RASA1: variants seen among roughly 807,000 people sequenced by gnomAD.
The protein encoded by RASA1 is RAS p21 protein activator 1.
RASA1 carries 25 observed loss-of-function variants against 132.2 expected under a neutral mutation model. The observed-to-expected ratio is 0.19, with a 90% CI of 0.14 to 0.26. The LOEUF (loss-of-function observed/expected upper bound fraction) is 0.26. Ranked by LOEUF, RASA1 falls within the 10% of genes least tolerant of loss-of-function variation. The probability of loss-of-function intolerance (pLI) is 1.00; values close to 1 mark genes in which losing one functional copy is unlikely to be tolerated. For synonymous variants in RASA1, 477 were observed against 449.9 expected, an observed-to-expected ratio of 1.06 and a Z score of -0.76; for missense variants, 964 against 1,299.2, an observed-to-expected ratio of 0.74 and a Z score of 3.97.
intron 1 of RASA1, among the ~76,000 whole-genome samples, chr5:87,289,424 T>C (rs929961566): frequency 1.3e-5 from 2 of 152,144 alleles, no homozygotes; most frequent in African/African-American, 4.8e-5. Flanking sequence ...TTTACCTGAA[T>C]CATTTATTTT....
At chr5:87,325,644 T>C in intron 1 of RASA1, among the ~76,000 whole-genome samples, 1 of 152,220 alleles carries the variant, frequency 6.6e-6, no homozygotes, top group East Asian at 1.9e-4. Context: ...GTCAGTAATA[T>C]AACCAAAAGG....
chr5:87,286,913 CACCATATATATACAT>C (rs1754596969), intron 1 of RASA1, among the ~76,000 whole-genome samples: 1 of 149,078 alleles, frequency 6.7e-6, no homozygotes, highest in South Asian at 2.1e-4. Flanking sequence ...ATATAAGGAA[CACCATATATATACAT>C]ACCATATATA....
At chr5:87,339,513 T>G (rs1758284667) in intron 5 of RASA1, among the ~76,000 whole-genome samples, 1 of 152,196 alleles carries the variant, frequency 6.6e-6, no homozygotes, top group African/African-American at 2.4e-5. Flanking sequence ...TTCTCCATCC[T>G]GATTACTTCA....
At chr5:87,287,264 A>G (rs1312037964) in intron 1 of RASA1, among the ~76,000 whole-genome samples, 1 of 147,788 alleles carries the variant, frequency 6.8e-6, no homozygotes, top group African/African-American at 2.5e-5. Context: ...TACACACCAT[A>G]TACACCGTAT....
At chr5:87,287,536 C>T (rs1378655117) in intron 1 of RASA1, among the ~76,000 whole-genome samples, 3 of 146,630 alleles carry the variant, frequency 2.0e-5, no homozygotes, top group South Asian at 2.1e-4. Flanking sequence ...CATATATATA[C>T]CATATATACA....
chr5:87,301,086 T>C (rs1426904731), intron 1 of RASA1, among the ~76,000 whole-genome samples: 2 of 152,180 alleles, frequency 1.3e-5, no homozygotes, highest in Non-Finnish European at 2.9e-5. Context: ...TTTGGCAGTA[T>C]TGGGGGGTTA....
intron 1 of RASA1, among the ~76,000 whole-genome samples, chr5:87,301,236 A>G (rs992638753): frequency 1.3e-5 from 2 of 152,208 alleles, no homozygotes; most frequent in East Asian, 3.8e-4. Flanking sequence ...TACATATAAT[A>G]TATATGCACA....
chr5:87,280,779 CAG>C (rs1204692814), intron 1 of RASA1, among the ~76,000 whole-genome samples: 3 of 151,754 alleles, frequency 2.0e-5, no homozygotes, highest in African/African-American at 2.4e-5. Context: ...TTTTTTGAGA[CAG>C]AGTCTCACTC....
chr5:87,337,566 T>A (rs1280672056), intron 4 of RASA1, among the ~76,000 whole-genome samples: 1 of 152,120 alleles, frequency 6.6e-6, no homozygotes, highest in East Asian at 1.9e-4. Flanking sequence ...ATTTTGTGTT[T>A]TGATTTTATA....
intron 1 of RASA1, among the ~76,000 whole-genome samples, chr5:87,284,762 AAAAG>A (rs1212441184): frequency 1.3e-5 from 2 of 152,188 alleles, no homozygotes; most frequent in African/African-American, 2.4e-5. Context: ...AATTTGGAAA[AAAAG>A]AACACAACCC....
At chr5:87,338,536 A>ATATATATTTT in intron 5 of RASA1, among the ~76,000 whole-genome samples, 47 of 85,208 alleles carry the variant, frequency 5.5e-4, no homozygotes, top group African/African-American at 1.5e-3. Context: ...TATATATAAA[A>ATATATATTTT]TTTTTTTTTT....
intron 1 of RASA1, among the ~76,000 whole-genome samples, chr5:87,319,243 C>T (rs555218101): frequency 2.0e-5 from 3 of 152,350 alleles, no homozygotes; most frequent in African/African-American, 7.2e-5. Flanking sequence ...TGGATCTACC[C>T]TTGTGGGGTC....
chr5:87,302,319 T>G (rs1366590151), intron 1 of RASA1, among the ~76,000 whole-genome samples: 1 of 152,030 alleles, frequency 6.6e-6, no homozygotes, highest in Non-Finnish European at 1.5e-5. Flanking sequence ...TATTTTTTCA[T>G]ATGTTCATTG....
At chr5:87,379,320 T>C (rs975652679) in intron 18 of RASA1, among the ~76,000 whole-genome samples, 1 of 152,154 alleles carries the variant, frequency 6.6e-6, no homozygotes, top group African/African-American at 2.4e-5. Context: ...GGCTACGGAA[T>C]TCCGACTTCC....
At chr5:87,294,676 T>C (rs1755044394) in intron 1 of RASA1, among the ~76,000 whole-genome samples, 1 of 152,246 alleles carries the variant, frequency 6.6e-6, no homozygotes, top group Non-Finnish European at 1.5e-5. Context: ...TATGTTTTGT[T>C]ATTTATTTCT....
At chr5:87,303,312 T>TA (rs1280679096) in intron 1 of RASA1, among the ~76,000 whole-genome samples, 3 of 152,194 alleles carry the variant, frequency 2.0e-5, no homozygotes, top group East Asian at 1.9e-4. Context: ...CCTGAAGTCT[T>TA]ACGTTGTACC....
At chr5:87,346,749 CT>C (rs1374854223) in intron 7 of RASA1, 25 bp downstream of exon 7, 1 of 1,476,516 alleles carries the variant, frequency 6.8e-7, no homozygotes, top group Middle Eastern at 1.7e-4. Flanking sequence ...ACTTGCTTTT[CT>C]AATGTCTATT....
At chr5:87,294,359 C>T (rs1019814831) in intron 1 of RASA1, 2 of 152,250 alleles carry the variant, frequency 1.3e-5, no homozygotes, top group Non-Finnish European at 2.9e-5. Context: ...CCAAACTAAT[C>T]GTGGAGGTTT....
rs1380962532 is a variant in RASA1, at chr5:87,374,331, T to C, written c.1934+11T>C. 12 of 1,596,880 alleles carry C rather than the reference T, an allele frequency of 7.5e-6. No individual in the cohort carries two copies. The highest frequency in any genetic ancestry group is 2.7e-5 in the African/African-American group (2 of 74,368). On this transcript the variant is annotated intron_variant, in intron 14 of 24. Coordinates refer to ENST00000274376, the MANE Select transcript of RASA1 (RefSeq NM_002890.3). ...AGAGTTTGTCTTTGAGTAAGTCTTA[T>C]TTTATCATTACATTAATCATTTTCT...
Sources: gnomAD v4.1 joint callset for allele counts (sites outside exome capture counted in the v4.1 genomes callset) on GRCh38, gnomAD v4.1.1 for gene constraint, MANE v1.5 for transcripts, NCBI Gene and HGNC (gene_info 2026-07-23, HGNC 2026-07-21) for gene names.